PHACTR1: variants seen among roughly 807,000 people sequenced by gnomAD.
PHACTR1 encodes phosphatase and actin regulator 1, also known as RPEL repeat containing 1.
A neutral mutation model predicts 69.2 loss-of-function variants in PHACTR1; 16 were observed. That is an observed-to-expected ratio of 0.23 (90% CI 0.16 to 0.35). The LOEUF (loss-of-function observed/expected upper bound fraction) is 0.35, where lower values mean the gene tolerates loss of function less well. PHACTR1 is among the 10% of genes least tolerant of loss of function. The probability of loss-of-function intolerance (pLI) is 1.00; values close to 1 mark genes in which losing one functional copy is unlikely to be tolerated. For synonymous variants in PHACTR1, 312 were observed against 284.5 expected (o/e 1.10, Z -0.97); for missense variants, 510 against 734.7 (o/e 0.69, Z 3.54).
At chr6:13,222,124 C>T (rs1236435715) in intron 8 of PHACTR1, among the ~76,000 whole-genome samples, 1 of 152,066 alleles carries the variant, frequency 6.6e-6, no homozygotes, top group Non-Finnish European at 1.5e-5. Flanking sequence ...GCTAGTTAGC[C>T]CTTAGGAAGA....
intron 10 of PHACTR1, among the ~76,000 whole-genome samples, chr6:13,250,547 G>C (rs1774244122): frequency 6.6e-6 from 1 of 152,232 alleles, no homozygotes; most frequent in Non-Finnish European, 1.5e-5. Context: ...GATAAGAAGG[G>C]GCTGGCTGTG....
intron 8 of PHACTR1, among the ~76,000 whole-genome samples, chr6:13,210,244 G>A (rs1766606991): frequency 6.6e-6 from 1 of 152,060 alleles, no homozygotes; most frequent in Non-Finnish European, 1.5e-5. Flanking sequence ...CGAACTCATA[G>A]TCTAAAGTGA....
intron 3 of PHACTR1, among the ~76,000 whole-genome samples, chr6:12,736,100 T>C (rs893469833): frequency 1.3e-5 from 2 of 152,246 alleles, no homozygotes; most frequent in African/African-American, 2.4e-5. Context: ...AGTATTCATA[T>C]GCATAGAAAA....
At chr6:12,731,676 G>A (rs1485955991) in intron 3 of PHACTR1, among the ~76,000 whole-genome samples, 6 of 152,168 alleles carry the variant, frequency 3.9e-5, no homozygotes, top group African/African-American at 1.4e-4. Flanking sequence ...TAGAGATGAA[G>A]TAATCTATGT....
intron 3 of PHACTR1, chr6:12,749,435 C>G: frequency 3.7e-5 from 22 of 594,088 alleles, no homozygotes; most frequent in Non-Finnish European, 4.2e-5. Flanking sequence ...GATTTTCTTT[C>G]TCTCCCTTCA....
At chr6:13,284,543 A>AAAAAATATAT (rs1554187813) in intron 13 of PHACTR1, among the ~76,000 whole-genome samples, 4 of 61,350 alleles carry the variant, frequency 6.5e-5, no homozygotes, top group African/African-American at 3.2e-4. Context: ...AAAAAAAAAA[A>AAAAAATATAT]ATATATATAT....
intron 4 of PHACTR1, among the ~76,000 whole-genome samples, chr6:12,912,727 C>A (rs192512736): frequency 4.1e-4 from 62 of 152,248 alleles, no homozygotes; most frequent in African/African-American, 1.3e-3. Context: ...CTGAGGCAGG[C>A]AGATTGCTTG....
intron 5 of PHACTR1, among the ~76,000 whole-genome samples, chr6:13,159,819 A>T (rs1758717809): frequency 4.6e-5 from 7 of 152,284 alleles, no homozygotes; most frequent in Admixed American, 3.9e-4. Flanking sequence ...ATGTGCCTGT[A>T]GTCCCAGCTA....
chr6:13,280,929 G>A (rs1157084137), intron 12 of PHACTR1: 1 of 1,285,518 alleles, frequency 7.8e-7, no homozygotes, highest in Admixed American at 2.3e-5. Flanking sequence ...ATGAGCCCAT[G>A]CACACAGAGG....
intron 7 of PHACTR1, among the ~76,000 whole-genome samples, chr6:13,188,777 A>G (rs1197741702): frequency 8.5e-5 from 13 of 152,154 alleles, no homozygotes; most frequent in South Asian, 2.1e-4. Flanking sequence ...ATCTCCTTCC[A>G]TCTCACCTCC....
intron 4 of PHACTR1, among the ~76,000 whole-genome samples, chr6:12,830,125 G>GAAAGAAAGAAAGAAAGAAAGA (rs1554146457): frequency 4.9e-4 from 62 of 126,728 alleles, no homozygotes; most frequent in African/African-American, 1.2e-3. Context: ...AAGAAAGAAA[G>GAAAGAAAGAAAGAAAGAAAGA]AAAGAAAGAA....
In PHACTR1 at chr6:13,283,210, CTCTT is replaced by C. The variant is rs1780688337; in HGVS notation, c.1510-211_1510-208del. ...GGTATGTAAGGGATAACAAAGCTCT[CTCTT>C]AGGACCTAGAAACGTCCCACTCCCA... On this transcript the variant is annotated intron_variant, in intron 12 of 14. Coordinates refer to ENST00000332995, the MANE Select transcript of PHACTR1 (RefSeq NM_030948.6). The surrounding 1 kb of genome is among the most constrained non-coding windows in gnomAD (Gnocchi z 4.7). 3.7e-6 allele frequency: 2 copies of C among 542,578 alleles called. No homozygotes were observed. The highest frequency in any genetic ancestry group is 6.7e-5 in the Admixed American group (2 of 29,930). 33.6% of individuals were successfully genotyped at this position (542,578 alleles called of 1,614,324 possible). A position where few individuals can be genotyped will look rare whatever the true frequency, so the allele number is the denominator to read the frequency against.
At chr6:12,838,202 A>G (rs182499132) in intron 4 of PHACTR1, among the ~76,000 whole-genome samples, 7 of 152,332 alleles carry the variant, frequency 4.6e-5, no homozygotes, top group African/African-American at 1.7e-4. Flanking sequence ...ACCGAGTAAA[A>G]ACAAGTCACA....
At chr6:12,846,798 C>T (rs1779324201) in intron 4 of PHACTR1, among the ~76,000 whole-genome samples, 1 of 150,084 alleles carries the variant, frequency 6.7e-6, no homozygotes, top group Non-Finnish European at 1.5e-5. Context: ...TAGCAACTTG[C>T]TTTTTATTTT....
chr6:12,831,167 G>T (rs1025997104), intron 4 of PHACTR1, among the ~76,000 whole-genome samples: 2 of 152,324 alleles, frequency 1.3e-5, no homozygotes, highest in Non-Finnish European at 2.9e-5. Context: ...ATTGCTCTGT[G>T]CATAGTAGTT....
At chr6:12,950,577 G>C (rs1179495202) in intron 4 of PHACTR1, among the ~76,000 whole-genome samples, 1 of 152,164 alleles carries the variant, frequency 6.6e-6, no homozygotes, top group Non-Finnish European at 1.5e-5. Flanking sequence ...CACACATGTG[G>C]TACTCACCAT....
At chr6:12,834,535 A>G (rs2127733645) in intron 4 of PHACTR1, among the ~76,000 whole-genome samples, 1 of 152,322 alleles carries the variant, frequency 6.6e-6, no homozygotes, top group East Asian at 1.9e-4. Flanking sequence ...ACACAAAGGT[A>G]TATGCAAAAT....
intron 5 of PHACTR1, among the ~76,000 whole-genome samples, chr6:13,158,981 G>C (rs1485590531): frequency 6.6e-6 from 1 of 152,216 alleles, no homozygotes; most frequent in Non-Finnish European, 1.5e-5. Flanking sequence ...GAGTCAGTGT[G>C]TACCGGAGAC....
intron 4 of PHACTR1, among the ~76,000 whole-genome samples, chr6:12,762,753 G>A (rs1023111483): frequency 1.3e-5 from 2 of 152,126 alleles, no homozygotes; most frequent in African/African-American, 2.4e-5. Flanking sequence ...CTGTCTAGTG[G>A]ATTAGAAAAT....
Sources: allele counts gnomAD v4.1 joint callset (sites outside exome capture counted in the v4.1 genomes callset), GRCh38; gene constraint gnomAD v4.1.1; non-coding constraint Gnocchi (gnomAD v3.1); transcripts MANE v1.5; gene names NCBI Gene and HGNC (gene_info 2026-07-23, HGNC 2026-07-21).